FAM47E: variants seen among roughly 807,000 people sequenced by gnomAD.
The protein encoded by FAM47E is protein FAM47E.
FAM47E carries 32 observed loss-of-function variants against 41.6 expected under a neutral mutation model. The observed-to-expected ratio is 0.77, with a 90% CI of 0.58 to 1.03. FAM47E has a LOEUF of 1.03. FAM47E is among the 50% of genes least tolerant of loss of function. The probability of loss-of-function intolerance (pLI) is 0.00; values close to 1 mark genes in which losing one functional copy is unlikely to be tolerated. For missense variants in FAM47E, 424 were observed against 485.4 expected, an observed-to-expected ratio of 0.87 and a Z score of 1.19; for synonymous variants, 184 against 188.7, an observed-to-expected ratio of 0.98 and a Z score of 0.20.
intron 3 of FAM47E, chr4:76,268,266 T>G (rs958179823): frequency 5.6e-6 from 1 of 177,252 alleles, no homozygotes; most frequent in East Asian, 1.8e-4. Flanking sequence ...CTGCCAGACC[T>G]TAACTGAGCT....
upstream of FAM47E, among the ~76,000 whole-genome samples, chr4:76,250,605 T>C (rs1346162484): frequency 1.3e-5 from 2 of 152,178 alleles, no homozygotes; most frequent in Admixed American, 1.3e-4. Flanking sequence ...CCTGCAGGAC[T>C]CCATTCAGCC....
chr4:76,270,870 A>AT (rs1181540215), intron 4 of FAM47E, among the ~76,000 whole-genome samples: 1 of 151,844 alleles, frequency 6.6e-6, no homozygotes, highest in Non-Finnish European at 1.5e-5. Flanking sequence ...CTGCTTCATT[A>AT]TTACGTTAGC....
At position 76,263,821 on chromosome 4, in the gene FAM47E, T is replaced by C. The variant is rs1257786261; in HGVS notation, c.538T>C (p.Ser180Pro). The C allele has an allele frequency of 6.4e-7, 1 of 1,551,222 alleles. No homozygotes were observed. The change falls in exon 3 of 8, where the codon TCT (serine) becomes CCT (proline). Residue 180 changes from serine (S) to proline (P), a missense_variant. Transcript: ENST00000424749. ...KEPTKLLKKH[S>P]TQVYLGPSKK... ...ACCCACGAAGCTTTTAAAAAAACAT[T>C]CTACCCAAGTCTACCTGGGACCGTG... is the stretch of plus-strand genomic sequence containing the variant.
intron 2 of FAM47E, among the ~76,000 whole-genome samples, chr4:76,227,899 T>C (rs573938954): frequency 6.6e-6 from 1 of 152,380 alleles, no homozygotes; most frequent in Admixed American, 6.5e-5. Flanking sequence ...TCTAGCCCAT[T>C]ACATTAAGTT....
chr4:76,215,168 G>C (rs1252412919), intron 1 of FAM47E, among the ~76,000 whole-genome samples: 1 of 152,236 alleles, frequency 6.6e-6, no homozygotes, highest in Non-Finnish European at 1.5e-5. Flanking sequence ...GCAGAGCTCA[G>C]CAGTTGAGGC....
intron 3 of FAM47E, among the ~76,000 whole-genome samples, chr4:76,265,750 A>G (rs1224683917): frequency 6.6e-6 from 1 of 152,168 alleles, no homozygotes; most frequent in East Asian, 1.9e-4. Context: ...AGTCCCACTC[A>G]GTGTGACCTC....
In FAM47E at chr4:76,271,226, C is replaced by T. The variant is rs1373518509; in HGVS notation, c.670-342C>T. ...TGTGAACCTGGCAGCTTCCATTATA[C>T]AGAGTTATTGGCAGAGAAAACACTG... is the stretch of plus-strand genomic sequence containing the variant. On this transcript the variant is annotated intron_variant, in intron 4 of 7. Transcript: ENST00000424749. Among the ~76,000 whole-genome samples, 15 of 152,318 alleles carry T rather than the reference C, an allele frequency of 9.8e-5. No homozygotes were observed. The East Asian group carries it at 2.7e-3, about 27-fold the overall frequency.
At chr4:76,250,728 T>A (rs534494563), upstream of FAM47E, among the ~76,000 whole-genome samples, 2 of 152,186 alleles carry the variant, frequency 1.3e-5, no homozygotes, top group East Asian at 3.9e-4. Context: ...AAAATAAAAA[T>A]AACAATTGGG....
At chr4:76,229,661 G>A (rs1414911035) in intron 2 of FAM47E, among the ~76,000 whole-genome samples, 2 of 152,206 alleles carry the variant, frequency 1.3e-5, no homozygotes, top group Middle Eastern at 3.2e-3. Context: ...CTGGTGCTGA[G>A]AAATACCTGA....
upstream of FAM47E, among the ~76,000 whole-genome samples, chr4:76,247,441 T>C (rs1733851920): frequency 6.6e-6 from 1 of 152,194 alleles, no homozygotes; most frequent in Non-Finnish European, 1.5e-5. Flanking sequence ...TTAATTCTTT[T>C]AGGTATATAC....
chr4:76,214,119 A>G, exon 1 of FAM47E: 1 of 415,144 alleles, frequency 2.4e-6, no homozygotes, highest in South Asian at 1.7e-5. Context: ...CTCATTCCGC[A>G]GATAGGTCTG....
intron 1 of FAM47E, among the ~76,000 whole-genome samples, chr4:76,217,258 C>T (rs1027242302): frequency 1.3e-5 from 2 of 152,154 alleles, no homozygotes; most frequent in South Asian, 4.1e-4. Flanking sequence ...GTTACTGCTC[C>T]CAGAGTTTAG....
intron 1 of FAM47E, 147 bp downstream of exon 1, chr4:76,251,967 G>A: frequency 9.0e-7 from 1 of 1,115,082 alleles, no homozygotes; most frequent in Non-Finnish European, 1.2e-6. Flanking sequence ...AACATAATAC[G>A]CTGAGATAAC....
chr4:76,238,185 C>A (rs1315878312), intron 2 of FAM47E, among the ~76,000 whole-genome samples: 2 of 152,124 alleles, frequency 1.3e-5, no homozygotes, highest in Non-Finnish European at 2.9e-5. Context: ...TCTCTTCCTG[C>A]CAAGACTCTA....
At chr4:76,224,567 C>G (rs1733363141) in intron 2 of FAM47E, among the ~76,000 whole-genome samples, 1 of 151,908 alleles carries the variant, frequency 6.6e-6, no homozygotes, top group South Asian at 2.1e-4. Flanking sequence ...TTTAAAAAAT[C>G]CTTTTTATTT....
intron 1 of FAM47E, 101 bp downstream of exon 1, chr4:76,251,921 A>G (rs1733981013): frequency 1.5e-6 from 2 of 1,326,874 alleles, no homozygotes; most frequent in Non-Finnish European, 1.9e-6. Context: ...GGAGAGGTCC[A>G]GCCTGCCTTC....
intron 5 of FAM47E, among the ~76,000 whole-genome samples, chr4:76,274,054 A>G (rs907622530): frequency 6.6e-6 from 1 of 152,160 alleles, no homozygotes; most frequent in African/African-American, 2.4e-5. Flanking sequence ...TGATTCTAAC[A>G]TCTGCATCAG....
rs746336370 is a variant in FAM47E at position 76,280,335 on chromosome 4, G to A, written c.1098G>A (p.Thr366=). ...KDFILSRGYR[T]PRFLENMYIG... ...TCATTCTAAGCAGGGGCTACAGGACGCCACGTGTGAGTAAAGGGTCCTTTC... is the reference window on the plus strand; with the variant it reads ...TCATTCTAAGCAGGGGCTACAGGACACCACGTGTGAGTAAAGGGTCCTTTC... Residue 366 remains threonine (T), a synonymous_variant, in exon 7 of 8, where the codon ACG becomes ACA. Transcript: ENST00000424749. 19 of 1,533,422 alleles carry A rather than the reference G, an allele frequency of 1.2e-5. No individual in the cohort carries two copies. The highest frequency in any genetic ancestry group is 1.7e-4 in the Middle Eastern group (1 of 5,932). 95.0% of individuals were successfully genotyped at this position (1,533,422 alleles called of 1,614,324 possible).
chr4:76,234,017 A>C (rs960291018), intron 2 of FAM47E, among the ~76,000 whole-genome samples: 3 of 152,330 alleles, frequency 2.0e-5, no homozygotes, highest in African/African-American at 2.4e-5. Flanking sequence ...CAGGGAGACA[A>C]GTTTAATTGC....
Sources: gnomAD v4.1 joint callset for allele counts (sites outside exome capture counted in the v4.1 genomes callset) on GRCh38, gnomAD v4.1.1 for gene constraint, MANE v1.5 for transcripts, NCBI Gene and HGNC (gene_info 2026-07-23, HGNC 2026-07-21) for gene names.